The following DCHS2 variants were observed in gnomAD, a reference collection of about 807,000 sequenced individuals.
DCHS2 encodes dachsous cadherin-related 2, also known as protocadherin-23.
In DCHS2, 142 loss-of-function variants were observed where a neutral mutation model predicts 182.4. The observed-to-expected ratio is 0.78, with a 90% CI of 0.68 to 0.89. The LOEUF is 0.89. DCHS2 is among the 40% of genes least tolerant of loss of function. The probability of loss-of-function intolerance (pLI) is 0.00; values close to 1 mark genes in which losing one functional copy is unlikely to be tolerated. For synonymous variants in DCHS2, 1,740 were observed against 1,663.3 expected (o/e 1.05, Z -1.12); for missense variants, 4,319 against 4,198.6 (o/e 1.03, Z -0.79).
chr4:154,366,329 G>A lies in DCHS2; in HGVS notation c.2357C>T (p.Pro786Leu), dbSNP rs776121940. ...YVTSISDETQ[P>L]GTEIINVLAT... The stretch of plus-strand genomic sequence containing the variant: ...AAGAACATTGATGATCTCGGTGCCT[G>A]GCTGGGTCTCATCACTGATGCTCGT... Residue 786 changes from proline to leucine, a missense_variant, in exon 3 of 20, where the codon CCA (proline) becomes CTA (leucine). Transcript: ENST00000357232. 1.2e-4 allele frequency: 195 copies of A among 1,613,704 alleles called. 2 individuals carry two copies. The Middle Eastern group carries it at 1.6e-3, about 14-fold the overall frequency.
Position 154,476,684 on chromosome 4 carries a change from G to T in DCHS2, c.2052+12620C>A, listed in dbSNP as rs551732183. 3.9e-5 allele frequency among the ~76,000 whole-genome samples: 6 copies of T among 152,262 alleles called. No homozygotes were observed. The East Asian group carries it at 1.2e-3, about 29-fold the overall frequency. On this transcript the variant is annotated intron_variant, in intron 1 of 19. Transcript: ENST00000357232. ...CTCAGCAGTAGGCAAGATGGGTAAG[G>T]TCTCTGCCATCATCTCATGATGCTT...
intron 1 of DCHS2, among the ~76,000 whole-genome samples, chr4:154,449,355 A>T (rs555577760): frequency 2.6e-5 from 4 of 152,054 alleles, no homozygotes; most frequent in African/African-American, 9.7e-5. Context: ...AGTAAAAAAA[A>T]TGAGTAAATA....
chr4:154,320,766 T>A lies in DCHS2; in HGVS notation c.4633A>T (p.Arg1545Ter), dbSNP rs750647439. 3 of 1,614,128 alleles carry A rather than the reference T, an allele frequency of 1.9e-6. No homozygotes were observed. In the South Asian group the frequency reaches 3.3e-5, roughly 18 times the overall value. ...KDDDGSFLNSRIQYYIESHNP... is the reference protein window; with the variant it reads ...KDDDGSFLNS The stretch of plus-strand genomic sequence containing the variant: ...TGGGATTCAATGTAGTATTGTATTC[T>A]ACTGTTCAAAAAACTGCCGTCATCA... The change falls in exon 9 of 20, where the codon AGA (arginine) becomes TGA (stop). Residue 1545 changes from arginine (R) to a stop codon, truncating the protein, a stop_gained. Transcript: ENST00000357232. LOFTEE classifies it high-confidence loss of function.
rs1384923227 is a variant in DCHS2, at chr4:154,333,405, G to A, written c.2803C>T (p.Arg935Trp). The change falls in exon 5 of 20, where the codon CGG becomes TGG. Residue 935 changes from arginine (R) to tryptophan (W), a missense_variant. Arg to Trp is a moderately radical substitution (Grantham distance 101). Transcript: ENST00000357232. Reference protein sequence around the residue: ...IHPRLGTIRTRKPLDHETQPV... With the variant: ...IHPRLGTIRTWKPLDHETQPV... ...TGCGTCTCGTGATCCAGGGGCTTCC[G>A]GGTGCGAATAGTGCCCAGCCGCGGG... is the stretch of plus-strand genomic sequence containing the variant. 2 of 1,613,980 alleles carry A rather than the reference G, an allele frequency of 1.2e-6. No individual in the cohort carries two copies. The highest frequency in any genetic ancestry group is 2.2e-5 in the East Asian group (1 of 44,874).
intron 3 of DCHS2, among the ~76,000 whole-genome samples, chr4:154,337,510 A>G (rs1306614567): frequency 1.3e-5 from 2 of 152,118 alleles, no homozygotes; most frequent in African/African-American, 4.8e-5. Context: ...TAAATGCATT[A>G]TCTTAACATA....
intron 1 of DCHS2, among the ~76,000 whole-genome samples, chr4:154,379,191 G>A (rs1439820583): frequency 1.3e-5 from 2 of 152,198 alleles, no homozygotes; most frequent in South Asian, 2.1e-4. Context: ...GAGCAAAGGA[G>A]CAGCTATTTC....
intron 1 of DCHS2, among the ~76,000 whole-genome samples, chr4:154,432,186 G>T (rs2110937067): frequency 6.6e-6 from 1 of 152,250 alleles, no homozygotes; most frequent in African/African-American, 2.4e-5. Context: ...TAGCTATTTT[G>T]TCTAAAGAGC....
chr4:154,476,839 T>C (rs6844895), intron 1 of DCHS2, among the ~76,000 whole-genome samples: 113,108 of 152,094 alleles, frequency 0.74, 42,618 homozygotes, highest in East Asian at 0.85. Context: ...TCTTTACTAT[T>C]GCATAATGCA....
intron 13 of DCHS2, among the ~76,000 whole-genome samples, chr4:154,291,763 G>T (rs555994376): frequency 3.8e-4 from 4 of 10,478 alleles, no homozygotes. Flanking sequence ...TGAACTCATA[G>T]AAATACAGAG....
chr4:154,304,963 A>G, intron 11 of DCHS2, 85 bp from the exon 12 acceptor site: 1 of 1,515,130 alleles, frequency 6.6e-7, no homozygotes, highest in Non-Finnish European at 8.8e-7. Flanking sequence ...ATGTCAGGCT[A>G]ACCAGGTAGC....
rs1728840844 is a variant in DCHS2, at chr4:154,491,613, T to C, written c.-258A>G. On this transcript the variant is annotated 5_prime_UTR_variant, in exon 1 of 20. The change abolishes the stop of an existing upstream ORF in the 5' untranslated region. Coordinates refer to ENST00000357232, the MANE Select transcript of DCHS2 (RefSeq NM_001358235.2). ...CACCTCTTCTGCCCCTGGATTTCTTTAAACGAATCTCATCTCTTTTTCTCT... is the reference window on the plus strand; with the variant it reads ...CACCTCTTCTGCCCCTGGATTTCTTCAAACGAATCTCATCTCTTTTTCTCT... 1 of 1,324,870 alleles carries C rather than the reference T, an allele frequency of 7.5e-7. No homozygotes were observed. The highest frequency in any genetic ancestry group is 9.6e-7 in the Non-Finnish European group (1 of 1,044,052). The allele number at this position is 1,324,870 out of a possible 1,614,324, so 82.1% of individuals were successfully genotyped here. A position where few individuals can be genotyped will look rare whatever the true frequency, so the allele number is the denominator to read the frequency against.
chr4:154,312,536 G>A (rs1300947426), intron 10 of DCHS2, among the ~76,000 whole-genome samples: 2 of 152,164 alleles, frequency 1.3e-5, no homozygotes, highest in Admixed American at 6.5e-5. Flanking sequence ...GGAACAGAGC[G>A]AGATTCCGTC....
At chr4:154,393,541 A>G (rs949286992) in intron 1 of DCHS2, among the ~76,000 whole-genome samples, 5 of 152,218 alleles carry the variant, frequency 3.3e-5, no homozygotes, top group Non-Finnish European at 7.3e-5. Flanking sequence ...TCCCAATGTC[A>G]TAAGTGCTGC....
chr4:154,281,882 A>G (rs957963283), intron 13 of DCHS2, among the ~76,000 whole-genome samples: 2 of 152,152 alleles, frequency 1.3e-5, no homozygotes, highest in Non-Finnish European at 2.9e-5. Flanking sequence ...CCACATGTAT[A>G]TGATCAAATG....
Position 154,489,669 on chromosome 4 carries a change from C to A in DCHS2, c.1687G>T (p.Ala563Ser), listed in dbSNP as rs1331550528. 6.4e-7 allele frequency: 1 copy of A among 1,551,632 alleles called. No homozygotes were observed. The highest frequency in any genetic ancestry group is 2.4e-5 in the East Asian group (1 of 40,896). ...APGTVVMWVSASDADEAGSDH... is the reference protein window; with the variant it reads ...APGTVVMWVSSSDADEAGSDH... The stretch of plus-strand genomic sequence containing the variant: ...CTGCCTGCCTCGTCGGCATCGGAGG[C>A]GCTGACCCACATGACTACAGTGCCA... Residue 563 changes from alanine (A) to serine (S), a missense_variant, in exon 1 of 20, where the codon GCC becomes TCC. Transcript: ENST00000357232.
chr4:154,454,527 A>G (rs1433801886), intron 1 of DCHS2, among the ~76,000 whole-genome samples: 1 of 152,204 alleles, frequency 6.6e-6, no homozygotes, highest in Non-Finnish European at 1.5e-5. Context: ...TACATTTGTA[A>G]TTTGGATTAT....
intron 3 of DCHS2, among the ~76,000 whole-genome samples, chr4:154,348,376 T>C (rs1330826315): frequency 6.6e-6 from 1 of 151,930 alleles, no homozygotes; most frequent in Non-Finnish European, 1.5e-5. Context: ...CATGGAAAGG[T>C]CATAAATTTG....
At chr4:154,443,825 G>A (rs536661166) in intron 1 of DCHS2, among the ~76,000 whole-genome samples, 2 of 152,202 alleles carry the variant, frequency 1.3e-5, no homozygotes, top group African/African-American at 4.8e-5. Flanking sequence ...ATCATGGAAA[G>A]TGAGGAGTGT....
chr4:154,344,608 A>G (rs1729270992), intron 3 of DCHS2, among the ~76,000 whole-genome samples: 2 of 152,214 alleles, frequency 1.3e-5, no homozygotes, highest in Non-Finnish European at 1.5e-5. Flanking sequence ...GGGGGTGATG[A>G]ACAGTAACTC....
Sources: gnomAD v4.1 joint callset for allele counts (sites outside exome capture counted in the v4.1 genomes callset) on GRCh38, gnomAD v4.1.1 for gene constraint, MANE v1.5 for transcripts, NCBI Gene and HGNC (gene_info 2026-07-23, HGNC 2026-07-21) for gene names.